The following MYO10 variants were observed in gnomAD, a reference collection of about 807,000 sequenced individuals.
MYO10 encodes myosin X, also known as unconventional myosin-X.
A neutral mutation model predicts 257.3 loss-of-function variants in MYO10; 133 were observed. The ratio of observed to expected loss-of-function variants is 0.52; its 90% CI spans 0.45 to 0.60. The LOEUF (loss-of-function observed/expected upper bound fraction) is 0.60, where lower values mean the gene tolerates loss of function less well. Among genes scored for constraint, MYO10 ranks in the 20% least tolerant of loss-of-function variants. MYO10 has a pLI of 0.00. For synonymous variants in MYO10, 1,104 were observed against 1,028.6 expected (o/e 1.07, Z -1.40); for missense variants, 2,399 against 2,635.7 (o/e 0.91, Z 1.97).
At position 16,670,953 on chromosome 5, in the gene MYO10, T is replaced by C; in HGVS notation, c.5456A>G (p.His1819Arg). The C allele has an allele frequency of 1.9e-6, 3 of 1,611,176 alleles. No individual in the cohort carries two copies. The highest frequency in any genetic ancestry group is 4.5e-5 in the East Asian group (2 of 44,802). The change falls in exon 39 of 41, where the codon CAC becomes CGC. Residue 1819 changes from histidine to arginine, a missense_variant. Around this residue, in one of 3 missense-constraint regions of MYO10, gnomAD observed 1,820 missense variants for 1,939.4 expected, o/e 0.94. Coordinates refer to ENST00000513610, the MANE Select transcript of MYO10 (RefSeq NM_012334.3). ...GAGGTTTTCTTCCGGGGCTGGATGG[T>C]GGCCATGGATAACCGCTTCGTGGGC... ...EQAHEAVIHG[H>R]HPAPEENLQV...
intron 19 of MYO10, among the ~76,000 whole-genome samples, chr5:16,736,941 G>A (rs1274310115): frequency 6.6e-6 from 1 of 151,968 alleles, no homozygotes; most frequent in East Asian, 1.9e-4. Flanking sequence ...AACTTCTGTG[G>A]TCCCGTAAGA....
At chr5:16,824,497 C>A (rs528919648) in intron 2 of MYO10, among the ~76,000 whole-genome samples, 2 of 152,166 alleles carry the variant, frequency 1.3e-5, no homozygotes, top group Non-Finnish European at 2.9e-5. Context: ...TGCCAAACAA[C>A]CAGATGTCTA....
intron 1 of MYO10, among the ~76,000 whole-genome samples, chr5:16,896,187 T>C (rs1745212432): frequency 6.6e-6 from 1 of 152,180 alleles, no homozygotes; most frequent in African/African-American, 2.4e-5. Flanking sequence ...GTTTAGGTGA[T>C]ATGGCTCAAG....
intron 2 of MYO10, among the ~76,000 whole-genome samples, chr5:16,848,155 C>CTTTTTTTTTTTCTTTCTT (rs1743692196): frequency 3.5e-5 from 4 of 113,596 alleles, no homozygotes; most frequent in African/African-American, 1.5e-4. Flanking sequence ...CTACACATTT[C>CTTTTTTTTTTTCTTTCTT]TTTTTTTTTT....
At chr5:16,935,358 C>A (rs1207075812) in intron 1 of MYO10, among the ~76,000 whole-genome samples, 1 of 152,184 alleles carries the variant, frequency 6.6e-6, no homozygotes, top group South Asian at 2.1e-4. Context: ...GCACAGGAAG[C>A]CCGCACGTTT....
intron 1 of MYO10, among the ~76,000 whole-genome samples, chr5:16,900,608 G>T (rs1295665874): frequency 6.6e-6 from 1 of 152,056 alleles, no homozygotes; most frequent in Non-Finnish European, 1.5e-5. Context: ...GGATAGAGCA[G>T]CCAGGCCATC....
intron 36 of MYO10, among the ~76,000 whole-genome samples, chr5:16,673,168 G>C (rs1488616628): frequency 6.9e-6 from 1 of 143,974 alleles, no homozygotes; most frequent in Non-Finnish European, 1.5e-5. Context: ...GAACTCCAAG[G>C]AACAACAGAG....
chr5:16,733,552 AGAAG>A (rs889930210), intron 19 of MYO10, among the ~76,000 whole-genome samples: 3 of 152,182 alleles, frequency 2.0e-5, no homozygotes, highest in African/African-American at 7.2e-5. Flanking sequence ...TCTGCTTTCC[AGAAG>A]GAAGGAAGGC....
intron 21 of MYO10, among the ~76,000 whole-genome samples, chr5:16,706,894 C>T (rs1738371079): frequency 6.6e-6 from 1 of 152,142 alleles, no homozygotes; most frequent in Non-Finnish European, 1.5e-5. Flanking sequence ...AGAACACGAA[C>T]CCTGAATTAG....
chr5:16,866,149 G>C (rs1744243181), intron 2 of MYO10, among the ~76,000 whole-genome samples: 1 of 151,554 alleles, frequency 6.6e-6, no homozygotes, highest in African/African-American at 2.4e-5. Context: ...ATTTGCCGAA[G>C]AAACTAGTAA....
At chr5:16,908,689 C>T (rs1205958457) in intron 1 of MYO10, among the ~76,000 whole-genome samples, 2 of 152,088 alleles carry the variant, frequency 1.3e-5, no homozygotes, top group Admixed American at 6.6e-5. Context: ...TTGAAACATA[C>T]ACATTATATA....
chr5:16,883,375 T>C (rs1324264599), intron 1 of MYO10, among the ~76,000 whole-genome samples: 1 of 152,092 alleles, frequency 6.6e-6, no homozygotes, highest in Non-Finnish European at 1.5e-5. Flanking sequence ...AATGATGAAA[T>C]TCAAGGGCCA....
chr5:16,894,262 T>C (rs913656758), intron 1 of MYO10, among the ~76,000 whole-genome samples: 2 of 152,298 alleles, frequency 1.3e-5, no homozygotes, highest in African/African-American at 4.8e-5. Flanking sequence ...TCATGCTCCT[T>C]CTTTGATAGC....
intron 19 of MYO10, chr5:16,742,169 AAGC>A: frequency 1.0e-6 from 1 of 985,422 alleles, no homozygotes; most frequent in Non-Finnish European, 1.2e-6. Context: ...GGACAAAATC[AAGC>A]AGTTTAGTTG....
rs190695403 is a variant in MYO10, at chr5:16,664,268, T to A, written c.*2424A>T. ...TGGTGCTGCTCTAACCCCCCCAATC[T>A]GAGTCATGCCTTTCCTTGCCTATTT... is the stretch of plus-strand genomic sequence containing the variant. On this transcript the variant is annotated 3_prime_UTR_variant, in exon 41 of 41. Coordinates refer to ENST00000513610, the MANE Select transcript of MYO10 (RefSeq NM_012334.3). 56 of 152,336 alleles carry A rather than the reference T, an allele frequency of 3.7e-4. 1 individual carries two copies. The highest frequency in any genetic ancestry group is 1.2e-3 in the African/African-American group (51 of 41,576). The allele number at this position is 152,336 out of a possible 1,614,324, so 9.4% of individuals were successfully genotyped here. A position where few individuals can be genotyped will look rare whatever the true frequency, so the allele number is the denominator to read the frequency against.
intron 1 of MYO10, among the ~76,000 whole-genome samples, chr5:16,878,717 GAA>G (rs1020898280): frequency 5.3e-5 from 8 of 152,144 alleles, no homozygotes; most frequent in Non-Finnish European, 8.8e-5. Context: ...TGATTCTAGT[GAA>G]GTCACTCAAG....
At chr5:16,910,950 CTT>C (rs1561054691) in intron 1 of MYO10, among the ~76,000 whole-genome samples, 1 of 148,792 alleles carries the variant, frequency 6.7e-6, no homozygotes, top group East Asian at 1.9e-4. Context: ...CCTCACAGCT[CTT>C]AAATAAAAAA....
chr5:16,872,055 G>C (rs1351835867), intron 2 of MYO10, among the ~76,000 whole-genome samples: 3 of 152,074 alleles, frequency 2.0e-5, no homozygotes, highest in Non-Finnish European at 4.4e-5. Context: ...AAAATGATCA[G>C]AACTACTGAC....
rs568370385 is a variant in MYO10, at chr5:16,700,666, A to G, written c.3432+297T>C. On this transcript the variant is annotated intron_variant, in intron 25 of 40. Coordinates refer to ENST00000513610, the MANE Select transcript of MYO10 (RefSeq NM_012334.3). ...CACTCCAGCCTGGATGACAGAGAAG[A>G]CTCCACCTCAAAAACAACAACAACA... Among the ~76,000 whole-genome samples the G allele has an allele frequency of 2.6e-5, 4 of 152,154 alleles. No individual in the cohort carries two copies. The East Asian group carries it at 7.7e-4, about 29-fold the overall frequency.
Sources: gnomAD v4.1 joint callset for allele counts (sites outside exome capture counted in the v4.1 genomes callset) on GRCh38, gnomAD v4.1.1 for gene constraint, gnomAD v4.1.1 regional missense constraint, MANE v1.5 for transcripts, NCBI Gene and HGNC (gene_info 2026-07-23, HGNC 2026-07-21) for gene names.